Variants in ERCC6L2 observed in about 807,000 individuals in gnomAD.
ERCC6L2 encodes the protein ERCC excision repair 6 like 2, also known as DNA excision repair protein ERCC-6-like 2.
ERCC6L2 carries 77 observed loss-of-function variants against 132.0 expected under a neutral mutation model. The observed-to-expected ratio is 0.58, with a 90% CI of 0.49 to 0.71. The LOEUF (loss-of-function observed/expected upper bound fraction) is 0.71, where lower values mean the gene tolerates loss of function less well. Ranked by LOEUF, ERCC6L2 falls within the 30% of genes least tolerant of loss-of-function variation. The pLI is 0.00. For missense variants in ERCC6L2, 1,542 were observed against 1,837.6 expected (o/e 0.84, Z 2.94); for synonymous variants, 583 against 632.4 (o/e 0.92, Z 1.17).
chr9:96,012,640 A>C lies in ERCC6L2; in HGVS notation c.4090A>C (p.Thr1364Pro), dbSNP rs147269000. The C allele has an allele frequency of 1.8e-3, 2,416 of 1,367,622 alleles. 3 individuals are homozygous for C. The highest frequency in any genetic ancestry group is 2.2e-3 in the Non-Finnish European group (2,214 of 1,021,836). 84.7% of individuals were successfully genotyped at this position (1,367,622 alleles called of 1,614,324 possible). A position where few individuals can be genotyped will look rare whatever the true frequency, so the allele number is the denominator to read the frequency against. Residue 1364 changes from threonine (T) to proline (P), a missense_variant, in exon 19 of 19, where the codon ACT (threonine) becomes CCT (proline). Thr to Pro is a conservative substitution (Grantham distance 38). Transcript: ENST00000653738. ...AACTAAGAAATCACCTGTTAGTTCT[A>C]CTCAAGAGATTGACAGTGGGAAAAA... ...AETKKSPVSS[T>P]QEIDSGKNSQ... is the part of the protein sequence containing the mutation.
chr9:95,971,116 A>C (rs1318794831), intron 15 of ERCC6L2, among the ~76,000 whole-genome samples: 1 of 152,098 alleles, frequency 6.6e-6, no homozygotes, highest in Non-Finnish European at 1.5e-5. Flanking sequence ...TCTTTATTTC[A>C]TCATAAGGCC....
chr9:95,906,336 G>A (rs1471287747), intron 3 of ERCC6L2, among the ~76,000 whole-genome samples: 1 of 152,114 alleles, frequency 6.6e-6, no homozygotes, highest in Non-Finnish European at 1.5e-5. Flanking sequence ...CATAGGTGAT[G>A]TGGTTCATTA....
At chr9:95,889,650 C>A (rs888536189) in intron 2 of ERCC6L2, among the ~76,000 whole-genome samples, 1 of 152,008 alleles carries the variant, frequency 6.6e-6, no homozygotes, top group Non-Finnish European at 1.5e-5. Flanking sequence ...TTTCATGCCC[C>A]TTTCCAGTCA....
intron 3 of ERCC6L2, among the ~76,000 whole-genome samples, chr9:95,900,034 T>A (rs1032646991): frequency 2.0e-5 from 3 of 152,116 alleles, no homozygotes; most frequent in Admixed American, 1.3e-4. Context: ...TTCAGTTGAT[T>A]TCTTAATTTA....
intron 4 of ERCC6L2, among the ~76,000 whole-genome samples, chr9:95,914,152 A>T (rs2132697020): frequency 6.6e-6 from 1 of 152,262 alleles, no homozygotes; most frequent in Middle Eastern, 3.4e-3. Flanking sequence ...CCAACACTTG[A>T]TATTGTTAAT....
At chr9:95,975,763 A>T (rs1832641499) in intron 16 of ERCC6L2, among the ~76,000 whole-genome samples, 1 of 151,840 alleles carries the variant, frequency 6.6e-6, no homozygotes, top group East Asian at 2.0e-4. Flanking sequence ...TCAAATCTTT[A>T]TCTGTTCATT....
At position 95,875,939 on chromosome 9, in the gene ERCC6L2, T is replaced by TGGCGTTGGCC; in HGVS notation, c.-98_-89dup. On this transcript the variant is annotated 5_prime_UTR_variant, in exon 1 of 19. Coordinates refer to ENST00000653738, the MANE Select transcript of ERCC6L2 (RefSeq NM_020207.7). ...GCGATGCTCGGAGGGCGGCCGGAAG[T>TGGCGTTGGCC]GGCGTTGGCCGCCATTGGCCTGCCG... 2.3e-6 allele frequency: 3 copies of TGGCGTTGGCC among 1,305,762 alleles called. No individual in the cohort carries two copies. Among genetic ancestry groups the TGGCGTTGGCC allele is most frequent in the Non-Finnish European group, 3.2e-6 (3 of 937,730 alleles). The allele number at this position is 1,305,762 out of a possible 1,614,324, so 80.9% of individuals were successfully genotyped here.
chr9:95,988,522 T>C lies in ERCC6L2; in HGVS notation c.3492+10307T>C, dbSNP rs138899190. ...CCGTATCCCACTATTTCATTTGCTA[T>C]GTAAGGCTATTTTGTTGCAGATGAA... On this transcript the variant is annotated intron_variant, in intron 17 of 18. Coordinates refer to ENST00000653738, the MANE Select transcript of ERCC6L2 (RefSeq NM_020207.7). Among the ~76,000 whole-genome samples the C allele has an allele frequency of 1.1e-3, 175 of 152,348 alleles. 1 individual carries two copies. Among genetic ancestry groups the C allele is most frequent in the Non-Finnish European group, 1.0e-4 (7 of 68,032 alleles).
intron 12 of ERCC6L2, among the ~76,000 whole-genome samples, chr9:95,952,299 A>G: frequency 6.6e-6 from 1 of 152,128 alleles, no homozygotes; most frequent in Non-Finnish European, 1.5e-5. Context: ...AGACTCTACA[A>G]GAAAGAAAAC....
chr9:95,930,296 T>A (rs1479169737), intron 11 of ERCC6L2, among the ~76,000 whole-genome samples: 1 of 152,100 alleles, frequency 6.6e-6, no homozygotes, highest in Non-Finnish European at 1.5e-5. Flanking sequence ...AAGTTTTGGA[T>A]TCCTATTTTT....
At chr9:95,907,924 A>G (rs1225089694) in intron 4 of ERCC6L2, among the ~76,000 whole-genome samples, 2 of 149,884 alleles carry the variant, frequency 1.3e-5, no homozygotes, top group Non-Finnish European at 3.0e-5. Context: ...AACACCAGTG[A>G]GATAAGCAGG....
intron 19 of ERCC6L2, among the ~76,000 whole-genome samples, chr9:96,023,874 T>C (rs1051845621): frequency 3.3e-5 from 5 of 152,128 alleles, no homozygotes; most frequent in African/African-American, 4.8e-5. Context: ...GAACCGAGGA[T>C]TGCAGTAACC....
rs535498225 is a variant in ERCC6L2 at position 95,939,992 on chromosome 9, C to G, written c.1752-1462C>G. 2.0e-5 allele frequency among the ~76,000 whole-genome samples: 3 copies of G among 152,308 alleles called. No homozygotes were observed. The South Asian group carries it at 6.2e-4, about 32-fold the overall frequency. On this transcript the variant is annotated intron_variant, in intron 11 of 18. Coordinates refer to ENST00000653738, the MANE Select transcript of ERCC6L2 (RefSeq NM_020207.7). ...GAAAGCTAGGTTCCGTCTTTGGCCT[C>G]TGCTGATAGCCTGAGAGGGAAGTGC...
intron 17 of ERCC6L2, among the ~76,000 whole-genome samples, chr9:95,993,865 T>G (rs1311024510): frequency 3.3e-5 from 5 of 152,240 alleles, no homozygotes; most frequent in Admixed American, 6.5e-5. Flanking sequence ...GATTTGAATC[T>G]AAATGCTGTT....
intron 12 of ERCC6L2, among the ~76,000 whole-genome samples, chr9:95,948,775 A>C (rs1243362200): frequency 1.3e-5 from 2 of 151,070 alleles, no homozygotes; most frequent in Non-Finnish European, 2.9e-5. Context: ...TTTCAAGAAA[A>C]GACCACAAGA....
rs73656596 is a variant in ERCC6L2 at position 96,004,827 on chromosome 9, A to G, written c.3674+126A>G. On this transcript the variant is annotated intron_variant, in intron 18 of 18. Transcript: ENST00000653738. The stretch of plus-strand genomic sequence containing the variant: ...CATCTGAATATTTCAGAAAAATCTG[A>G]ATTTCAAAAATAAACTGCAAATGTT... The G allele has an allele frequency of 0.01, 5,983 of 580,014 alleles. 312 individuals carry two copies. In the African/African-American group the frequency reaches 0.11, roughly 11 times the overall value. 35.9% of individuals were successfully genotyped at this position (580,014 alleles called of 1,614,324 possible). A position where few individuals can be genotyped will look rare whatever the true frequency, so the allele number is the denominator to read the frequency against.
At chr9:95,894,436 C>T (rs1828336031) in intron 2 of ERCC6L2, among the ~76,000 whole-genome samples, 1 of 152,040 alleles carries the variant, frequency 6.6e-6, no homozygotes, top group Non-Finnish European at 1.5e-5. Flanking sequence ...GTTGTTTGAA[C>T]TCTGTTCCTT....
chr9:95,999,901 T>A (rs1833601071), intron 17 of ERCC6L2, among the ~76,000 whole-genome samples: 2 of 152,028 alleles, frequency 1.3e-5, no homozygotes, highest in Admixed American at 1.3e-4. Context: ...TACAATTTTT[T>A]TTTTTTTTGA....
chr9:95,900,192 C>T (rs1163450654), intron 3 of ERCC6L2, among the ~76,000 whole-genome samples: 1 of 152,000 alleles, frequency 6.6e-6, no homozygotes, highest in African/African-American at 2.4e-5. Context: ...CCGGCCTGCG[C>T]ACCATAAGAA....
Sources: allele counts gnomAD v4.1 joint callset (sites outside exome capture counted in the v4.1 genomes callset), GRCh38; gene constraint gnomAD v4.1.1; transcripts MANE v1.5; gene names NCBI Gene and HGNC (gene_info 2026-07-23, HGNC 2026-07-21).